SLC6A5: variants seen among roughly 807,000 people sequenced by gnomAD.
SLC6A5 encodes the protein sodium- and chloride-dependent glycine transporter 2.
SLC6A5 carries 58 observed loss-of-function variants against 90.5 expected under a neutral mutation model. The ratio of observed to expected loss-of-function variants is 0.64; its 90% CI spans 0.52 to 0.80. SLC6A5 has a LOEUF of 0.80. Ranked by LOEUF, SLC6A5 falls within the 30% of genes least tolerant of loss-of-function variation. SLC6A5 has a pLI of 0.00. For missense variants in SLC6A5, 1,015 were observed against 1,017.6 expected (o/e 1.00, Z 0.03); for synonymous variants, 427 against 401.4 (o/e 1.06, Z -0.76).
intron 15 of SLC6A5, 87 bp from the exon 16 acceptor site, chr11:20,654,626 A>G (rs1853605837): frequency 1.5e-6 from 2 of 1,347,434 alleles, no homozygotes; most frequent in Non-Finnish European, 2.1e-6. Flanking sequence ...CAAAGTGGTC[A>G]TAAGCAGTTT....
chr11:20,622,266 C>CTTTGGTTTA (rs1179235815), intron 7 of SLC6A5, among the ~76,000 whole-genome samples: 1 of 152,188 alleles, frequency 6.6e-6, no homozygotes, highest in East Asian at 1.9e-4. Context: ...ACTGTTGGCC[C>CTTTGGTTTA]TCTCAGTTCA....
At chr11:20,603,101 C>A (rs1852510303) in intron 2 of SLC6A5, among the ~76,000 whole-genome samples, 1 of 152,206 alleles carries the variant, frequency 6.6e-6, no homozygotes, top group Non-Finnish European at 1.5e-5. Context: ...CTTTCTGACA[C>A]TCACCCTGGC....
chr11:20,648,606 G>A (rs1156931474), intron 14 of SLC6A5, among the ~76,000 whole-genome samples: 4 of 152,096 alleles, frequency 2.6e-5, no homozygotes, highest in African/African-American at 7.2e-5. Flanking sequence ...GAACATCTGC[G>A]AACAGACAGA....
At chr11:20,618,416 C>A (rs1275271877) in intron 7 of SLC6A5, among the ~76,000 whole-genome samples, 6 of 152,172 alleles carry the variant, frequency 3.9e-5, no homozygotes, top group African/African-American at 7.2e-5. Flanking sequence ...ACCCCATGTG[C>A]CCCTAGCACT....
intron 7 of SLC6A5, among the ~76,000 whole-genome samples, chr11:20,625,262 CT>C (rs1852970538): frequency 6.6e-6 from 1 of 152,018 alleles, no homozygotes; most frequent in Non-Finnish European, 1.5e-5. Flanking sequence ...CCAAATGTTT[CT>C]TTCTTTCTTT....
At chr11:20,616,630 G>C (rs1852787988) in intron 6 of SLC6A5, among the ~76,000 whole-genome samples, 1 of 152,150 alleles carries the variant, frequency 6.6e-6, no homozygotes, top group African/African-American at 2.4e-5. Context: ...GGCAAATATG[G>C]TCCTCAGGGT....
rs1185205981 is a variant in SLC6A5 at position 20,656,738 on chromosome 11, C to G, written c.*1870C>G. ...ATTTGTTCTCCCCTCTCCTTCTCCT[C>G]CTTTCCCCCCTTGTCTCCCAAAGCT... is the stretch of plus-strand genomic sequence containing the variant. On this transcript the variant is annotated 3_prime_UTR_variant, in exon 16 of 16. Coordinates refer to ENST00000525748, the MANE Select transcript of SLC6A5 (RefSeq NM_004211.5). 6.6e-6 allele frequency: 1 copy of G among 152,236 alleles called. No homozygotes were observed. Among genetic ancestry groups the G allele is most frequent in the East Asian group, 1.9e-4 (1 of 5,194 alleles). The allele number at this position is 152,236 out of a possible 1,614,324, so 9.4% of individuals were successfully genotyped here. A position where few individuals can be genotyped will look rare whatever the true frequency, so the allele number is the denominator to read the frequency against.
In SLC6A5 at chr11:20,637,203, T is replaced by A. The variant is rs1853224855; in HGVS notation, c.1769T>A (p.Ile590Asn). The change falls in exon 12 of 16, where the codon ATC becomes AAC. Residue 590 changes from isoleucine (I) to asparagine (N), a missense_variant. Coordinates refer to ENST00000525748, the MANE Select transcript of SLC6A5 (RefSeq NM_004211.5). ...ACCATCGAGACCATAGTGACCTCCATCTCAGACGAGTTTCCCAAGTACCTA... is the reference window on the plus strand; with the variant it reads ...ACCATCGAGACCATAGTGACCTCCAACTCAGACGAGTTTCCCAAGTACCTA... ...FATIETIVTS[I>N]SDEFPKYLRT... The A allele has an allele frequency of 6.2e-7, 1 of 1,613,798 alleles. No individual in the cohort carries two copies. Among genetic ancestry groups the A allele is most frequent in the African/African-American group, 1.3e-5 (1 of 74,888 alleles).
In SLC6A5 at chr11:20,656,816, T is replaced by G. The variant is rs1341502636; in HGVS notation, c.*1948T>G. The G allele has an allele frequency of 6.6e-6, 1 of 152,166 alleles. No individual in the cohort carries two copies. Among genetic ancestry groups the G allele is most frequent in the Admixed American group, 6.5e-5 (1 of 15,268 alleles). 9.4% of individuals were successfully genotyped at this position (152,166 alleles called of 1,614,324 possible). A position where few individuals can be genotyped will look rare whatever the true frequency, so the allele number is the denominator to read the frequency against. On this transcript the variant is annotated 3_prime_UTR_variant, in exon 16 of 16. Transcript: ENST00000525748. ...CTAAACCTTGAGCTTCCCCTAAACT[T>G]AGCTTTAGGAAGCTGAGCTGTGGCC...
At chr11:20,652,994 A>G (rs1398932347) in intron 15 of SLC6A5, among the ~76,000 whole-genome samples, 1 of 152,176 alleles carries the variant, frequency 6.6e-6, no homozygotes, top group Non-Finnish European at 1.5e-5. Context: ...GTATGAGGTG[A>G]GACTTGTCTT....
intron 13 of SLC6A5, among the ~76,000 whole-genome samples, chr11:20,640,930 G>C (rs1170304020): frequency 1.3e-5 from 2 of 151,998 alleles, no homozygotes; most frequent in Admixed American, 1.3e-4. Context: ...TTTTCTTCTT[G>C]TTTCTAATAA....
chr11:20,649,723 T>C (rs1163651599), intron 14 of SLC6A5, among the ~76,000 whole-genome samples: 1 of 152,226 alleles, frequency 6.6e-6, no homozygotes, highest in Non-Finnish European at 1.5e-5. Context: ...GCAATTACTG[T>C]ATACATAGTC....
chr11:20,636,786 C>G (rs947812360), intron 11 of SLC6A5, among the ~76,000 whole-genome samples: 2 of 152,154 alleles, frequency 1.3e-5, no homozygotes, highest in Non-Finnish European at 2.9e-5. Flanking sequence ...AACCGCAGAT[C>G]ATGCTGACAG....
chr11:20,612,129 A>G (rs1047091859), intron 5 of SLC6A5, among the ~76,000 whole-genome samples: 1 of 152,132 alleles, frequency 6.6e-6, no homozygotes, highest in Non-Finnish European at 1.5e-5. Flanking sequence ...TTCCATTTTT[A>G]CCCAACATTC....
In SLC6A5 at chr11:20,652,575, G is replaced by A. The variant is rs1304129318; in HGVS notation, c.2238+119G>A. The A allele has an allele frequency of 1.2e-5, 12 of 1,034,484 alleles. No individual in the cohort carries two copies. The Admixed American group carries it at 1.9e-4, about 16-fold the overall frequency. The allele number at this position is 1,034,484 out of a possible 1,614,324, so 64.1% of individuals were successfully genotyped here. ...TTCAAGAGGGAGACTTGGTGATGAA[G>A]CGATTACAGTTGCCACCGTTTCTGT... On this transcript the variant is annotated intron_variant, in intron 15 of 15. Coordinates refer to ENST00000525748, the MANE Select transcript of SLC6A5 (RefSeq NM_004211.5).
In SLC6A5 at chr11:20,634,118, C is replaced by A. The variant is rs185210678; in HGVS notation, c.1625-2189C>A. On this transcript the variant is annotated intron_variant, in intron 10 of 15. Coordinates refer to ENST00000525748, the MANE Select transcript of SLC6A5 (RefSeq NM_004211.5). Reference sequence around the variant, plus strand: ...AACTCCTCACCTTGTGATCTGCCCACCTTGGCCTCCCAAAGTGTGGGGATT... The same window carrying A: ...AACTCCTCACCTTGTGATCTGCCCAACTTGGCCTCCCAAAGTGTGGGGATT... Among the ~76,000 whole-genome samples, 607 of 152,306 alleles carry A rather than the reference C, an allele frequency of 4.0e-3. 13 individuals carry two copies. Among genetic ancestry groups the A allele is most frequent in the Admixed American group, 0.027 (416 of 15,298 alleles).
intron 7 of SLC6A5, among the ~76,000 whole-genome samples, chr11:20,625,631 C>G (rs572354881): frequency 1.3e-5 from 2 of 152,306 alleles, no homozygotes; most frequent in East Asian, 1.9e-4. Flanking sequence ...TGCTGGCATT[C>G]AAGTCTTCCC....
chr11:20,628,166 C>T lies in SLC6A5; in HGVS notation c.1499+83C>T, dbSNP rs946065295. ...CTGAGTTATCAGACACCTGAGGCCA[C>T]ATCCTCACATTTCATCTTAGGGAGA... is the stretch of plus-strand genomic sequence containing the variant. On this transcript the variant is annotated intron_variant, in intron 9 of 15. Coordinates refer to ENST00000525748, the MANE Select transcript of SLC6A5 (RefSeq NM_004211.5). 7.2e-6 allele frequency: 8 copies of T among 1,103,496 alleles called. No individual in the cohort carries two copies. In the African/African-American group the frequency reaches 7.7e-5, roughly 11 times the overall value. 68.4% of individuals were successfully genotyped at this position (1,103,496 alleles called of 1,614,324 possible).
At chr11:20,641,501 A>C (rs924605298) in intron 13 of SLC6A5, among the ~76,000 whole-genome samples, 17 of 139,650 alleles carry the variant, frequency 1.2e-4, no homozygotes, top group South Asian at 4.1e-4. Flanking sequence ...AAAACCCCCC[A>C]AAAACAACAA....
Sources: allele counts gnomAD v4.1 joint callset (sites outside exome capture counted in the v4.1 genomes callset), GRCh38; gene constraint gnomAD v4.1.1; transcripts MANE v1.5; gene names NCBI Gene and HGNC (gene_info 2026-07-23, HGNC 2026-07-21).